Variants in PDCD10 observed in about 807,000 individuals in gnomAD.
PDCD10 encodes programmed cell death 10.
Under a neutral mutation model 29.2 loss-of-function variants are expected in PDCD10, and 4 were observed. The ratio of observed to expected loss-of-function variants is 0.14; its 90% CI spans 0.07 to 0.31. The LOEUF (loss-of-function observed/expected upper bound fraction) is 0.31. Among genes scored for constraint, PDCD10 ranks in the 10% least tolerant of loss-of-function variants. The pLI, the probability that PDCD10 is intolerant of heterozygous loss-of-function variation, is 1.00. For synonymous variants in PDCD10, 70 were observed against 82.2 expected (o/e 0.85, Z 0.80); for missense variants, 183 against 257.9 (o/e 0.71, Z 1.99).
intron 2 of PDCD10, among the ~76,000 whole-genome samples, chr3:167,732,053 A>C (rs1724872740): frequency 6.6e-6 from 1 of 152,202 alleles, no homozygotes; most frequent in African/African-American, 2.4e-5. Flanking sequence ...AGAAGAGATA[A>C]ATTTTTAGTG....
chr3:167,733,437 T>C (rs909387889), intron 2 of PDCD10, among the ~76,000 whole-genome samples: 3 of 152,220 alleles, frequency 2.0e-5, no homozygotes, highest in Admixed American at 2.0e-4. Context: ...TGTTTTTTCA[T>C]TCTTCAATGT....
chr3:167,691,327 T>C (rs987269682), intron 6 of PDCD10, among the ~76,000 whole-genome samples: 8 of 152,182 alleles, frequency 5.3e-5, no homozygotes, highest in African/African-American at 9.7e-5. Context: ...CCTCCTCAAA[T>C]GGTTAGGAAG....
rs1052006972 is a variant in PDCD10 at position 167,683,742 on chromosome 3, C to T, written c.*566G>A. The T allele has an allele frequency of 6.6e-6, 1 of 150,844 alleles. No individual in the cohort carries two copies. Among genetic ancestry groups the T allele is most frequent in the East Asian group, 1.9e-4 (1 of 5,154 alleles). The allele number at this position is 150,844 out of a possible 1,614,324, so 9.3% of individuals were successfully genotyped here. On this transcript the variant is annotated 3_prime_UTR_variant, in exon 9 of 9. Coordinates refer to ENST00000392750, the MANE Select transcript of PDCD10 (RefSeq NM_007217.4). Reference sequence around the variant, plus strand: ...ACTCTGTGTCCAAAGTGATTAAGGACAAAAATAGAAATTCTTGCTTTATTA... The same window carrying T: ...ACTCTGTGTCCAAAGTGATTAAGGATAAAAATAGAAATTCTTGCTTTATTA...
chr3:167,702,696 C>T lies in PDCD10; in HGVS notation c.150+2146G>A, dbSNP rs117079834. On this transcript the variant is annotated intron_variant, in intron 4 of 8. Transcript: ENST00000392750. ...ACCATGATGAAAATTATTGTCGTTG[C>T]GGACCAATAATTGGAATTATGAATA... is the stretch of plus-strand genomic sequence containing the variant. 1.0e-3 allele frequency among the ~76,000 whole-genome samples: 154 copies of T among 152,198 alleles called. 3 individuals carry two copies. The East Asian group carries it at 0.022, about 22-fold the overall frequency.
intron 2 of PDCD10, among the ~76,000 whole-genome samples, chr3:167,721,381 C>T (rs1484142310): frequency 2.6e-5 from 4 of 152,068 alleles, no homozygotes; most frequent in Non-Finnish European, 4.4e-5. Flanking sequence ...ATAACAAAAC[C>T]AAATTTGAAG....
At chr3:167,695,901 G>A (rs1453791423) in intron 5 of PDCD10, among the ~76,000 whole-genome samples, 179 bp from the exon 6 acceptor site, 1 of 151,818 alleles carries the variant, frequency 6.6e-6, no homozygotes, top group Non-Finnish European at 1.5e-5. Flanking sequence ...AACAACAGCA[G>A]GGCTCCCTTC....
intron 3 of PDCD10, among the ~76,000 whole-genome samples, chr3:167,715,582 A>C (rs934139700): frequency 5.9e-5 from 9 of 151,872 alleles, no homozygotes; most frequent in African/African-American, 1.9e-4. Context: ...CTAATAATGC[A>C]ATTTTAAAAT....
At chr3:167,693,801 A>AAGAAAT (rs921824808) in intron 6 of PDCD10, among the ~76,000 whole-genome samples, 1 of 151,988 alleles carries the variant, frequency 6.6e-6, no homozygotes, top group African/African-American at 2.4e-5. Flanking sequence ...AAAAAAAAAA[A>AAGAAAT]AGAAATTAGC....
chr3:167,706,955 C>T (rs779950106), intron 3 of PDCD10, among the ~76,000 whole-genome samples: 1 of 152,192 alleles, frequency 6.6e-6, no homozygotes, highest in Non-Finnish European at 1.5e-5. Context: ...TGTATACAAG[C>T]CACTAATGCT....
intron 3 of PDCD10, among the ~76,000 whole-genome samples, chr3:167,715,838 T>C (rs1012190714): frequency 6.6e-6 from 1 of 152,030 alleles, no homozygotes; most frequent in Non-Finnish European, 1.5e-5. Context: ...ACAACCACTA[T>C]GGAGAACAGT....
At chr3:167,731,776 A>C (rs1724839561) in intron 2 of PDCD10, among the ~76,000 whole-genome samples, 1 of 152,220 alleles carries the variant, frequency 6.6e-6, no homozygotes, top group Non-Finnish European at 1.5e-5. Flanking sequence ...ATGATGCCAC[A>C]AAGGAGTACA....
chr3:167,721,534 T>C (rs928358023), intron 2 of PDCD10, among the ~76,000 whole-genome samples: 1 of 152,196 alleles, frequency 6.6e-6, no homozygotes, highest in Non-Finnish European at 1.5e-5. Context: ...CCAGAATGTG[T>C]AAGACCTAAC....
chr3:167,720,873 A>C (rs1196300255), intron 2 of PDCD10, among the ~76,000 whole-genome samples: 1 of 152,110 alleles, frequency 6.6e-6, no homozygotes, highest in Non-Finnish European at 1.5e-5. Flanking sequence ...AATACTTGCT[A>C]CTTAATTGTG....
chr3:167,707,996 T>C (rs1180763453), intron 3 of PDCD10, among the ~76,000 whole-genome samples: 2 of 152,214 alleles, frequency 1.3e-5, no homozygotes, highest in Non-Finnish European at 2.9e-5. Flanking sequence ...ATGGATAGGC[T>C]GGGTAAGCCT....
chr3:167,698,014 G>A (rs1185803255), intron 4 of PDCD10: 1 of 456,050 alleles, frequency 2.2e-6, no homozygotes, highest in African/African-American at 2.0e-5. Flanking sequence ...CACAATTTAC[G>A]ATCTTAATCA....
At chr3:167,707,859 T>C (rs956594314) in intron 3 of PDCD10, among the ~76,000 whole-genome samples, 2 of 152,170 alleles carry the variant, frequency 1.3e-5, no homozygotes, top group South Asian at 2.1e-4. Flanking sequence ...AGTTACACAG[T>C]ATGTCCATGT....
intron 2 of PDCD10, 142 bp downstream of exon 2, chr3:167,734,072 T>G (rs1725109960): frequency 6.6e-6 from 1 of 152,198 alleles, no homozygotes. Flanking sequence ...GTCCCTACTC[T>G]AAAGCTGGAC....
intron 2 of PDCD10, among the ~76,000 whole-genome samples, chr3:167,729,416 C>A (rs1417340253): frequency 6.6e-6 from 1 of 152,166 alleles, no homozygotes; most frequent in Non-Finnish European, 1.5e-5. Flanking sequence ...CTCTCCAATG[C>A]AGTTCAATCA....
intron 3 of PDCD10, among the ~76,000 whole-genome samples, 167 bp downstream of exon 3, chr3:167,719,895 C>A (rs1449985160): frequency 6.6e-6 from 1 of 152,074 alleles, no homozygotes; most frequent in Admixed American, 6.6e-5. Context: ...AGAGGCATAT[C>A]TGCTTGGCTT....
Sources: gnomAD v4.1 joint callset for allele counts (sites outside exome capture counted in the v4.1 genomes callset) on GRCh38, gnomAD v4.1.1 for gene constraint, MANE v1.5 for transcripts, NCBI Gene and HGNC (gene_info 2026-07-23, HGNC 2026-07-21) for gene names.